Variants in KIF15 observed in about 807,000 individuals in gnomAD.
The protein encoded by KIF15 is kinesin family member 15.
KIF15 carries 140 observed loss-of-function variants against 190.6 expected under a neutral mutation model. That is an observed-to-expected ratio of 0.73 (90% CI 0.64 to 0.84). The LOEUF (loss-of-function observed/expected upper bound fraction) is 0.84, where lower values mean the gene tolerates loss of function less well. Ranked by LOEUF, KIF15 falls within the 40% of genes least tolerant of loss-of-function variation. KIF15 has a pLI of 0.00. For missense variants in KIF15, 1,372 were observed against 1,584.4 expected (o/e 0.87, Z 2.28); for synonymous variants, 528 against 551.3 (o/e 0.96, Z 0.59).
chr3:44,835,816 G>A (rs944167725), intron 26 of KIF15, among the ~76,000 whole-genome samples: 4 of 152,104 alleles, frequency 2.6e-5, no homozygotes, highest in Non-Finnish European at 5.9e-5. Flanking sequence ...GTATATGTTG[G>A]GAAAATTGTC....
At chr3:44,784,570 A>G (rs932709098) in intron 5 of KIF15, among the ~76,000 whole-genome samples, 2 of 152,196 alleles carry the variant, frequency 1.3e-5, no homozygotes, top group African/African-American at 4.8e-5. Context: ...TAATTAGCCT[A>G]TGGTCACACA....
Position 44,841,059 on chromosome 3 carries a change from G to A in KIF15, c.3421-15G>A, listed in dbSNP as rs968378542. The stretch of plus-strand genomic sequence containing the variant: ...ACTTAATTGGATATTTGGATGAGAT[G>A]TGATTTTATTTTAGAGTCCTAAGAC... On this transcript the variant is annotated splice_polypyrimidine_tract_variant and intron_variant, in intron 28 of 34. Coordinates refer to ENST00000326047, the MANE Select transcript of KIF15 (RefSeq NM_020242.3). 15 of 1,592,820 alleles carry A rather than the reference G, an allele frequency of 9.4e-6. No homozygotes were observed. Among genetic ancestry groups the A allele is most frequent in the Admixed American group, 3.7e-5 (2 of 54,612 alleles).
At chr3:44,801,697 TG>T in intron 12 of KIF15, 67 bp from the exon 13 acceptor site, 1 of 1,089,354 alleles carries the variant, frequency 9.2e-7, no homozygotes, top group Non-Finnish European at 1.3e-6. Context: ...TATTTGTTGC[TG>T]GACTTACGAA....
chr3:44,774,502 C>T, intron 2 of KIF15, 65 bp downstream of exon 2: 1 of 1,378,970 alleles, frequency 7.3e-7, no homozygotes, highest in Non-Finnish European at 1.0e-6. Flanking sequence ...TTAAAATAAC[C>T]ATTTAGCATA....
chr3:44,772,894 C>A (rs1705701601), intron 1 of KIF15, among the ~76,000 whole-genome samples: 1 of 152,102 alleles, frequency 6.6e-6, no homozygotes, highest in Non-Finnish European at 1.5e-5. Context: ...AAGATGGAGG[C>A]CTGCAGCAAA....
At chr3:44,829,282 G>T (rs552950898) in intron 24 of KIF15, among the ~76,000 whole-genome samples, 1 of 150,366 alleles carries the variant, frequency 6.7e-6, no homozygotes, top group East Asian at 1.9e-4. Flanking sequence ...GCGTGAACCC[G>T]GGAGGCGGAG....
chr3:44,836,313 G>A (rs1045023508), intron 26 of KIF15, among the ~76,000 whole-genome samples: 3 of 151,950 alleles, frequency 2.0e-5, no homozygotes, highest in East Asian at 1.9e-4. Context: ...ATGAGATCAC[G>A]CCACTGCACT....
At chr3:44,784,210 C>T (rs866712193) in intron 5 of KIF15, among the ~76,000 whole-genome samples, 8 of 152,280 alleles carry the variant, frequency 5.3e-5, no homozygotes, top group South Asian at 2.1e-4. Flanking sequence ...CTCACTCTGT[C>T]GCCCAGGCTG....
chr3:44,790,297 C>A (rs1382732464), intron 7 of KIF15, among the ~76,000 whole-genome samples: 1 of 152,142 alleles, frequency 6.6e-6, no homozygotes, highest in African/African-American at 2.4e-5. Flanking sequence ...TGTGCCTCAG[C>A]CTCCTGAGCA....
intron 26 of KIF15, among the ~76,000 whole-genome samples, chr3:44,837,319 ACATATC>A (rs746390061): frequency 7.4e-4 from 112 of 152,348 alleles, no homozygotes; most frequent in Middle Eastern, 3.4e-3. Context: ...TATATTTTTT[ACATATC>A]CTTTGAGTTT....
At chr3:44,864,062 C>T (rs1699293181) in intron 6 of KIF15, 4 of 1,017,526 alleles carry the variant, frequency 3.9e-6, no homozygotes, top group Admixed American at 2.1e-5. Flanking sequence ...CAGGAAAGCT[C>T]TGAGGCCCTC....
intron 6 of KIF15, among the ~76,000 whole-genome samples, chr3:44,858,865 C>T (rs1292235358): frequency 6.6e-6 from 1 of 152,200 alleles, no homozygotes; most frequent in African/African-American, 2.4e-5. Flanking sequence ...GACTTATCCT[C>T]CACTGTAAAA....
At chr3:44,861,243 G>A (rs571863614) in intron 6 of KIF15, among the ~76,000 whole-genome samples, 24 of 152,160 alleles carry the variant, frequency 1.6e-4, no homozygotes, top group Admixed American at 5.9e-4. Flanking sequence ...CACCCGCCTC[G>A]GCCTCCCAAA....
downstream of KIF15, among the ~76,000 whole-genome samples, chr3:44,853,905 T>C (rs1699150264): frequency 6.6e-6 from 1 of 152,202 alleles, no homozygotes; most frequent in South Asian, 2.1e-4. Flanking sequence ...AGACCACATA[T>C]TATATGTTTT....
At chr3:44,801,182 G>T (rs1707251852) in intron 11 of KIF15, among the ~76,000 whole-genome samples, 1 of 126,996 alleles carries the variant, frequency 7.9e-6, no homozygotes. Context: ...TAATTTTTTT[G>T]TATTTTTAGT....
At chr3:44,791,052 C>T (rs1706675448) in intron 7 of KIF15, among the ~76,000 whole-genome samples, 1 of 152,118 alleles carries the variant, frequency 6.6e-6, no homozygotes, top group South Asian at 2.1e-4. Flanking sequence ...TTTTTAACTG[C>T]TCATGACAGT....
At chr3:44,790,448 C>T (rs1025317036) in intron 7 of KIF15, among the ~76,000 whole-genome samples, 2 of 152,088 alleles carry the variant, frequency 1.3e-5, no homozygotes, top group Non-Finnish European at 2.9e-5. Context: ...CTCAAGTTCA[C>T]AACAAAATAA....
chr3:44,831,940 T>A (rs1698092880), intron 26 of KIF15, among the ~76,000 whole-genome samples: 1 of 152,136 alleles, frequency 6.6e-6, no homozygotes, highest in Admixed American at 6.6e-5. Context: ...TGAAACAAAT[T>A]CAACAAATAT....
chr3:44,864,471 G>C, intron 6 of KIF15: 1 of 1,166,238 alleles, frequency 8.6e-7, no homozygotes, highest in South Asian at 1.4e-5. Flanking sequence ...GCTGTGGCTT[G>C]ACCCCTGGAT....
Sources: gnomAD v4.1 joint callset for allele counts (sites outside exome capture counted in the v4.1 genomes callset) on GRCh38, gnomAD v4.1.1 for gene constraint, MANE v1.5 for transcripts, NCBI Gene and HGNC (gene_info 2026-07-23, HGNC 2026-07-21) for gene names.